ROPN1B: variants seen among roughly 807,000 people sequenced by gnomAD.
The protein encoded by ROPN1B is rhophilin associated tail protein 1B.
ROPN1B carries 13 observed loss-of-function variants against 23.7 expected under a neutral mutation model. The observed-to-expected ratio is 0.55, with a 90% CI of 0.36 to 0.87. The LOEUF (loss-of-function observed/expected upper bound fraction) is 0.87, where lower values mean the gene tolerates loss of function less well. Among genes scored for constraint, ROPN1B ranks in the 40% least tolerant of loss-of-function variants. The probability of loss-of-function intolerance (pLI) is 0.01; values close to 1 mark genes in which losing one functional copy is unlikely to be tolerated. For missense variants in ROPN1B, 183 were observed against 249.2 expected (o/e 0.73, Z 1.79); for synonymous variants, 67 against 100.4 (o/e 0.67, Z 1.99).
chr3:125,979,263 C>G (rs558719700), intron 5 of ROPN1B, among the ~76,000 whole-genome samples: 1 of 127,440 alleles, frequency 7.8e-6, no homozygotes, highest in African/African-American at 3.3e-5. Flanking sequence ...GTAATCAATA[C>G]CCTTATATTC....
intron 3 of ROPN1B, among the ~76,000 whole-genome samples, chr3:125,974,866 C>T (rs1330325490): frequency 1.3e-5 from 2 of 152,194 alleles, no homozygotes; most frequent in East Asian, 3.9e-4. Context: ...CTGAGCCTTG[C>T]ACAGTGCCCT....
At chr3:125,971,684 G>A (rs963704862) in intron 2 of ROPN1B, among the ~76,000 whole-genome samples, 1 of 152,148 alleles carries the variant, frequency 6.6e-6, no homozygotes, top group Non-Finnish European at 1.5e-5. Context: ...GAGTAAATAA[G>A]CTGTTTTGCA....
At chr3:125,982,741 G>A (rs1180765416) in intron 6 of ROPN1B, among the ~76,000 whole-genome samples, 1 of 152,212 alleles carries the variant, frequency 6.6e-6, no homozygotes, top group Admixed American at 6.5e-5. Context: ...TAAACTGTTA[G>A]GGGTGGAGCC....
At position 125,982,337 on chromosome 3, in the gene ROPN1B, G is replaced by T. The variant is rs771565742; in HGVS notation, c.464G>T (p.Arg155Leu). The stretch of plus-strand genomic sequence containing the variant: ...TGTGACCACAATGGTGGGTTGCCCC[G>T]AATCCCATTCAGCACCTTCCAGTTT... ...LSCDHNGGLP[R>L]IPFSTFQFLY... The change falls in exon 6 of 7, where the codon CGA becomes CTA. Residue 155 changes from arginine (R) to leucine (L), a missense_variant. By Grantham distance (102) the Arg-to-Leu change is moderately radical. Coordinates refer to ENST00000514116, the MANE Select transcript of ROPN1B (RefSeq NM_001308313.2). 6.2e-7 allele frequency: 1 copy of T among 1,613,340 alleles called. No homozygotes were observed. Among genetic ancestry groups the T allele is most frequent in the Admixed American group, 1.7e-5 (1 of 59,904 alleles).
At chr3:125,982,545 C>G in intron 6 of ROPN1B, 100 bp downstream of exon 6, 4 of 953,214 alleles carry the variant, frequency 4.2e-6, no homozygotes, top group Non-Finnish European at 5.9e-6. Context: ...GCTCTGGGAA[C>G]AGAAAAGTGA....
At position 125,971,111 on chromosome 3, in the gene ROPN1B, G is replaced by C. The variant is rs569833924; in HGVS notation, c.-58-6G>C. On this transcript the variant is annotated splice_region_variant and splice_polypyrimidine_tract_variant and intron_variant, in intron 1 of 6. Coordinates refer to ENST00000514116, the MANE Select transcript of ROPN1B (RefSeq NM_001308313.2). ...CTAATCCTTGGTCTCTATCCACCCT[G>C]CCTAGCAATTTATCTCAAAGCTTCA... 22 of 153,424 alleles carry C rather than the reference G, an allele frequency of 1.4e-4. No homozygotes were observed. Among genetic ancestry groups the C allele is most frequent in the Admixed American group, 1.3e-3 (20 of 15,276 alleles). The allele number at this position is 153,424 out of a possible 1,614,324, so 9.5% of individuals were successfully genotyped here. A position where few individuals can be genotyped will look rare whatever the true frequency, so the allele number is the denominator to read the frequency against.
At chr3:125,979,738 C>T (rs979725290) in intron 5 of ROPN1B, among the ~76,000 whole-genome samples, 5 of 152,198 alleles carry the variant, frequency 3.3e-5, no homozygotes, top group African/African-American at 7.2e-5. Flanking sequence ...CTTTCCTTTG[C>T]GAATTCAACG....
At position 125,975,429 on chromosome 3, in the gene ROPN1B, T is replaced by C. The variant is rs1166690470; in HGVS notation, c.117-134T>C. ...CCATATGTAAGTGAACTAAACACAA[T>C]GACACATAGAAGCCACTTTACAAAG... On this transcript the variant is annotated intron_variant, in intron 3 of 6. Coordinates refer to ENST00000514116, the MANE Select transcript of ROPN1B (RefSeq NM_001308313.2). 1.0e-4 allele frequency: 79 copies of C among 774,106 alleles called. 1 individual carries two copies. The Admixed American group carries it at 2.0e-3, about 19-fold the overall frequency. 48.0% of individuals were successfully genotyped at this position (774,106 alleles called of 1,614,324 possible). A position where few individuals can be genotyped will look rare whatever the true frequency, so the allele number is the denominator to read the frequency against.
At chr3:125,982,971 C>T (rs1371589553) in intron 6 of ROPN1B, among the ~76,000 whole-genome samples, 2 of 152,166 alleles carry the variant, frequency 1.3e-5, no homozygotes, top group East Asian at 3.9e-4. Context: ...TGGTGAAACC[C>T]CATCTTTACT....
intron 1 of ROPN1B, among the ~76,000 whole-genome samples, chr3:125,970,624 G>A (rs1938164804): frequency 2.6e-5 from 4 of 151,766 alleles, no homozygotes; most frequent in African/African-American, 9.7e-5. Flanking sequence ...AAACACCCAA[G>A]AATGATCAAT....
chr3:125,980,078 C>T lies in ROPN1B; in HGVS notation c.397-2192C>T, dbSNP rs563907330. ...ATTATTCACATTTCAAGGCTTTCAC[C>T]TCTGACTTTGAAAATGAAGCTCGCA... On this transcript the variant is annotated intron_variant, in intron 5 of 6. Coordinates refer to ENST00000514116, the MANE Select transcript of ROPN1B (RefSeq NM_001308313.2). Among the ~76,000 whole-genome samples, 6 of 152,258 alleles carry T rather than the reference C, an allele frequency of 3.9e-5. No homozygotes were observed. The East Asian group carries it at 1.2e-3, about 29-fold the overall frequency.
intron 4 of ROPN1B, 45 bp downstream of exon 4, chr3:125,975,725 T>C (rs1938386024): frequency 1.3e-6 from 2 of 1,545,640 alleles, no homozygotes; most frequent in Non-Finnish European, 1.8e-6. Flanking sequence ...GGGACAGTGT[T>C]GAGGCTGGGT....
At chr3:125,974,468 A>G (rs1026566613) in intron 3 of ROPN1B, among the ~76,000 whole-genome samples, 4 of 152,174 alleles carry the variant, frequency 2.6e-5, no homozygotes, top group African/African-American at 9.7e-5. Flanking sequence ...GCTTTTACAA[A>G]ATTCCCTCTA....
chr3:125,980,812 G>A (rs1938586671), intron 5 of ROPN1B, among the ~76,000 whole-genome samples: 1 of 152,108 alleles, frequency 6.6e-6, no homozygotes, highest in South Asian at 2.1e-4. Flanking sequence ...AAAGTTCAGA[G>A]TGTGCTTGCA....
At chr3:125,980,139 C>CA (rs1237340397) in intron 5 of ROPN1B, among the ~76,000 whole-genome samples, 1 of 151,966 alleles carries the variant, frequency 6.6e-6, no homozygotes, top group Non-Finnish European at 1.5e-5. Flanking sequence ...AGTGGATCCC[C>CA]AAAAAAATAT....
intron 1 of ROPN1B, chr3:125,970,241 T>TTAA (rs1479498711): frequency 1.3e-5 from 2 of 152,018 alleles, no homozygotes; most frequent in African/African-American, 4.8e-5. Context: ...AATCAACCTG[T>TTAA]TAAGAGGAGG....
At chr3:125,970,064 G>T (rs368970811) in intron 1 of ROPN1B, 1 of 150,564 alleles carries the variant, frequency 6.6e-6, no homozygotes, top group African/African-American at 2.5e-5. Context: ...TAGGCACTGG[G>T]ATGGTGTGGT....
Position 125,978,021 on chromosome 3 carries a change from G to A in ROPN1B, c.396+856G>A, listed in dbSNP as rs1043504202. 1.2e-4 allele frequency: 18 copies of A among 152,262 alleles called. 1 individual carries two copies. Among genetic ancestry groups the A allele is most frequent in the Middle Eastern group, 3.4e-3 (1 of 294 alleles). 9.4% of individuals were successfully genotyped at this position (152,262 alleles called of 1,614,324 possible). On this transcript the variant is annotated intron_variant, in intron 5 of 6. Coordinates refer to ENST00000514116, the MANE Select transcript of ROPN1B (RefSeq NM_001308313.2). ...TATGCTTGGAATGCATATTTGACAC[G>A]TTTGTTTCTGAGAAAATTTAGCAGA...
In ROPN1B at chr3:125,975,687, G is replaced by A. The variant is rs749091010; in HGVS notation, c.234+7G>A. 3 of 1,608,214 alleles carry A rather than the reference G, an allele frequency of 1.9e-6. No individual in the cohort carries two copies. Among genetic ancestry groups the A allele is most frequent in the Middle Eastern group, 1.7e-4 (1 of 6,024 alleles). ...AAAGATCCTGCATTCTCAGGTAAGG[G>A]CCCTGCTGCAGCATTGAGGAGAATG... On this transcript the variant is annotated splice_region_variant and intron_variant, in intron 4 of 6. Coordinates refer to ENST00000514116, the MANE Select transcript of ROPN1B (RefSeq NM_001308313.2).
Sources: gnomAD v4.1 joint callset for allele counts (sites outside exome capture counted in the v4.1 genomes callset) on GRCh38, gnomAD v4.1.1 for gene constraint, MANE v1.5 for transcripts, NCBI Gene and HGNC (gene_info 2026-07-23, HGNC 2026-07-21) for gene names.